Variants in MDGA1 observed in about 807,000 individuals in gnomAD.
MDGA1 encodes MAM domain-containing glycosylphosphatidylinositol anchor protein 1.
MDGA1 carries 54 observed loss-of-function variants against 101.5 expected under a neutral mutation model. That is an observed-to-expected ratio of 0.53 (90% confidence interval 0.43 to 0.67). MDGA1 has a LOEUF of 0.67. MDGA1 is among the 30% of genes least tolerant of loss of function. The probability of loss-of-function intolerance (pLI) is 0.00; values close to 1 mark genes in which losing one functional copy is unlikely to be tolerated. For missense variants in MDGA1, 1,083 were observed against 1,323.8 expected, an observed-to-expected ratio of 0.82 and a Z score of 2.82; for synonymous variants, 533 against 558.3, an observed-to-expected ratio of 0.95 and a Z score of 0.64.
Position 37,696,640 on chromosome 6 carries a change from G to A in MDGA1, c.67+105C>T. On this transcript the variant is annotated intron_variant, in intron 1 of 16. Transcript: ENST00000434837. The surrounding 1 kb of genome is among the most constrained non-coding windows in gnomAD (Gnocchi z 5.6). Reference sequence around the variant, plus strand: ...CGGGGACGCGGGCATCCACTCCAGAGTCCGAGTCGAGGTCTCCACCAAACC... The same window carrying A: ...CGGGGACGCGGGCATCCACTCCAGAATCCGAGTCGAGGTCTCCACCAAACC... 1 of 1,117,258 alleles carries A rather than the reference G, an allele frequency of 9.0e-7. No homozygotes were observed. Among genetic ancestry groups the A allele is most frequent in the South Asian group, 1.4e-5 (1 of 72,974 alleles). The allele number at this position is 1,117,258 out of a possible 1,614,324, so 69.2% of individuals were successfully genotyped here.
rs1007017332 is a variant in MDGA1, at chr6:37,643,835, A to G, written c.2510T>C (p.Phe837Ser). 1.2e-6 allele frequency: 2 copies of G among 1,613,812 alleles called. No homozygotes were observed. Among genetic ancestry groups the G allele is most frequent in the African/African-American group, 1.3e-5 (1 of 74,912 alleles). ...GATGTGTTTCCCGTACATGTGGTAG[A>G]AGAAGGAGACACAGTAGAACTTGGC... Reference protein sequence around the residue: ...ASAKFYCVSFFYHMYGKHIGS... With the variant: ...ASAKFYCVSFSYHMYGKHIGS... Residue 837 changes from phenylalanine (F) to serine (S), a missense_variant, in exon 14 of 17, where the codon TTC becomes TCC. Around this residue, in one of 3 missense-constraint regions of MDGA1, gnomAD observed 657 missense variants for 771.4 expected, o/e 0.85. Coordinates refer to ENST00000434837, the MANE Select transcript of MDGA1 (RefSeq NM_153487.4).
In MDGA1 at chr6:37,638,727, A is replaced by T; in HGVS notation, c.2537-60T>A. ...CTGGCCAGGGCACCCTCACCTTTCC[A>T]CATTTACCAAGCCCTCTTCTCCCAC... On this transcript the variant is annotated intron_variant, in intron 14 of 16. Transcript: ENST00000434837. This position sits in a 1 kb window ranked among gnomAD's most constrained non-coding sequence, Gnocchi z 4.8. The T allele has an allele frequency of 2.6e-6, 4 of 1,552,916 alleles. No homozygotes were observed. The highest frequency in any genetic ancestry group is 3.5e-6 in the Non-Finnish European group (4 of 1,146,660).
At chr6:37,656,518 A>C (rs980259506) in intron 3 of MDGA1, among the ~76,000 whole-genome samples, 3 of 152,072 alleles carry the variant, frequency 2.0e-5, no homozygotes, top group African/African-American at 7.2e-5. Context: ...GACTACAGGC[A>C]TGCACCACCA....
intron 1 of MDGA1, among the ~76,000 whole-genome samples, chr6:37,691,585 T>C (rs1762309500): frequency 6.6e-6 from 1 of 152,146 alleles, no homozygotes; most frequent in South Asian, 2.1e-4. Context: ...ATTCCTTGAT[T>C]GTTTTGCAAA....
At chr6:37,680,768 G>A (rs1291938425) in intron 1 of MDGA1, among the ~76,000 whole-genome samples, 1 of 152,246 alleles carries the variant, frequency 6.6e-6, no homozygotes, top group Non-Finnish European at 1.5e-5. Flanking sequence ...TGGCCCAGCT[G>A]GGGCCACTGT....
At chr6:37,670,585 C>T (rs561857303) in intron 1 of MDGA1, among the ~76,000 whole-genome samples, 1 of 152,294 alleles carries the variant, frequency 6.6e-6, no homozygotes, top group Admixed American at 6.5e-5. Flanking sequence ...AAAACAGTGC[C>T]TGGTACGCAG....
intron 1 of MDGA1, among the ~76,000 whole-genome samples, chr6:37,686,694 T>C (rs1762205480): frequency 6.6e-6 from 1 of 152,124 alleles, no homozygotes; most frequent in African/African-American, 2.4e-5. Context: ...CCCAAAGTGT[T>C]GGGATTACAG....
chr6:37,649,618 A>G (rs1761308949), intron 8 of MDGA1, among the ~76,000 whole-genome samples: 1 of 151,922 alleles, frequency 6.6e-6, no homozygotes, highest in African/African-American at 2.4e-5. Flanking sequence ...TTCAAATCCC[A>G]GCCCTGACTC....
At chr6:37,692,936 A>T (rs1762344559) in intron 1 of MDGA1, among the ~76,000 whole-genome samples, 1 of 152,226 alleles carries the variant, frequency 6.6e-6, no homozygotes, top group South Asian at 2.1e-4. Context: ...ATGGGACATC[A>T]TGAGGATCTT....
intron 14 of MDGA1, among the ~76,000 whole-genome samples, chr6:37,642,114 T>C (rs534041786): frequency 2.5e-4 from 37 of 150,890 alleles, no homozygotes; most frequent in Non-Finnish European, 3.1e-4. Flanking sequence ...TAGGATGGTA[T>C]GTGTAAAATG....
At chr6:37,664,906 C>CACACACACAT (rs1761712840) in intron 1 of MDGA1, among the ~76,000 whole-genome samples, 2 of 147,702 alleles carry the variant, frequency 1.4e-5, no homozygotes, top group African/African-American at 2.5e-5. Flanking sequence ...CACACACACA[C>CACACACACAT]GGCTGCACAT....
chr6:37,654,774 G>T, intron 5 of MDGA1, 26 bp downstream of exon 5: 1 of 1,613,384 alleles, frequency 6.2e-7, no homozygotes, highest in Non-Finnish European at 8.5e-7. Context: ...GGTAGGGAAG[G>T]AGTATGGGGA....
At chr6:37,639,596 C>A (rs1378849522) in intron 14 of MDGA1, 2 of 152,238 alleles carry the variant, frequency 1.3e-5, no homozygotes, top group African/African-American at 2.4e-5. Context: ...ACTTGAGGGC[C>A]AGTTCCTGCC....
chr6:37,670,996 A>G (rs1370154856), intron 1 of MDGA1, among the ~76,000 whole-genome samples: 2 of 152,142 alleles, frequency 1.3e-5, no homozygotes, highest in South Asian at 2.1e-4. Flanking sequence ...GCTTGACACC[A>G]TATTAGTGGA....
chr6:37,657,159 TAAA>T, intron 3 of MDGA1, among the ~76,000 whole-genome samples: 1 of 151,020 alleles, frequency 6.6e-6, no homozygotes, highest in Non-Finnish European at 1.5e-5. Flanking sequence ...ATCCTCACTT[TAAA>T]AAAATAATTA....
rs1298164365 is a variant in MDGA1 at position 37,634,319 on chromosome 6, G to A, written c.*3049C>T. The stretch of plus-strand genomic sequence containing the variant: ...CCCAGAGGGCGAGGCTGCCACTGGG[G>A]AGATGTGCTGGATCCAGCCAGCCTG... On this transcript the variant is annotated 3_prime_UTR_variant, in exon 17 of 17. Coordinates refer to ENST00000434837, the MANE Select transcript of MDGA1 (RefSeq NM_153487.4). The surrounding 1 kb of genome is among the most constrained non-coding windows in gnomAD (Gnocchi z 4.7). 6.5e-6 allele frequency: 1 copy of A among 152,838 alleles called. No homozygotes were observed. Among genetic ancestry groups the A allele is most frequent in the African/African-American group, 2.4e-5 (1 of 41,468 alleles). The allele number at this position is 152,838 out of a possible 1,614,324, so 9.5% of individuals were successfully genotyped here.
chr6:37,678,501 T>TC (rs1281480252), intron 1 of MDGA1, among the ~76,000 whole-genome samples: 1 of 151,950 alleles, frequency 6.6e-6, no homozygotes, highest in African/African-American at 2.4e-5. Flanking sequence ...CTGTCATGAC[T>TC]CCCATCCTAC....
chr6:37,677,575 A>C (rs1410793178), intron 1 of MDGA1, among the ~76,000 whole-genome samples: 1 of 152,198 alleles, frequency 6.6e-6, no homozygotes, highest in Non-Finnish European at 1.5e-5. Flanking sequence ...GCAGCCGAGA[A>C]AGCAGAACAG....
At chr6:37,687,780 T>G (rs1762227419) in intron 1 of MDGA1, among the ~76,000 whole-genome samples, 1 of 152,148 alleles carries the variant, frequency 6.6e-6, no homozygotes. Context: ...CCTCACTTTA[T>G]TCTTAACCAA....
Sources: gnomAD v4.1 joint callset for allele counts (sites outside exome capture counted in the v4.1 genomes callset) on GRCh38, gnomAD v4.1.1 for gene constraint, gnomAD v4.1.1 regional missense constraint, Gnocchi (gnomAD v3.1) non-coding constraint, MANE v1.5 for transcripts, NCBI Gene and HGNC (gene_info 2026-07-23, HGNC 2026-07-21) for gene names.